The following VIPR2 variants were observed in gnomAD, a reference collection of about 807,000 sequenced individuals.
VIPR2 encodes vasoactive intestinal peptide receptor 2, also known as vasoactive intestinal polypeptide receptor 2.
A neutral mutation model predicts 58.0 loss-of-function variants in VIPR2; 48 were observed. That is an observed-to-expected ratio of 0.83 (90% CI 0.66 to 1.05). The LOEUF is 1.05. VIPR2 is among the 50% of genes least tolerant of loss of function. The pLI is 0.00. For missense variants in VIPR2, 534 were observed against 558.0 expected, an observed-to-expected ratio of 0.96 and a Z score of 0.43; for synonymous variants, 243 against 235.2, an observed-to-expected ratio of 1.03 and a Z score of -0.30.
chr7:159,091,588 G>C (rs1229280036), intron 4 of VIPR2, among the ~76,000 whole-genome samples: 1 of 152,224 alleles, frequency 6.6e-6, no homozygotes, highest in East Asian at 1.9e-4. Context: ...GGAAAGCCCC[G>C]CCCTGCACGT....
intron 2 of VIPR2, among the ~76,000 whole-genome samples, chr7:159,122,815 T>C (rs1340299030): frequency 2.0e-5 from 3 of 152,244 alleles, no homozygotes; most frequent in Non-Finnish European, 4.4e-5. Context: ...GATGGAATGA[T>C]TCACCAGTTG....
rs1401897879 is a variant in VIPR2 at position 159,127,832 on chromosome 7, C to T, written c.151+14614G>A. ...CTTTTCCCAAACTCCTGCCACGGCT[C>T]GGATGCTGCTGGGGCCGCAGGGGCT... On this transcript the variant is annotated intron_variant, in intron 2 of 12. Transcript: ENST00000262178. The surrounding 1 kb of genome is among the most constrained non-coding windows in gnomAD (Gnocchi z 4.6). Among the ~76,000 whole-genome samples the T allele has an allele frequency of 3.3e-5, 5 of 152,202 alleles. No individual in the cohort carries two copies. Among genetic ancestry groups the T allele is most frequent in the Admixed American group, 6.5e-5 (1 of 15,280 alleles).
chr7:159,063,173 G>T (rs1256959947), intron 4 of VIPR2, among the ~76,000 whole-genome samples: 1 of 152,262 alleles, frequency 6.6e-6, no homozygotes, highest in African/African-American at 2.4e-5. Flanking sequence ...GGGACCAGGT[G>T]CCGCGGAGCA....
At chr7:159,047,389 A>T (rs1854721367) in intron 5 of VIPR2, among the ~76,000 whole-genome samples, 1 of 152,246 alleles carries the variant, frequency 6.6e-6, no homozygotes, top group Admixed American at 6.5e-5. Context: ...ATTACAGAAG[A>T]ATTCCAAATT....
chr7:159,133,091 T>C lies in VIPR2; in HGVS notation c.151+9355A>G, dbSNP rs114029599. Among the ~76,000 whole-genome samples, 606 of 151,938 alleles carry C rather than the reference T, an allele frequency of 4.0e-3. 8 individuals carry two copies. Among genetic ancestry groups the C allele is most frequent in the African/African-American group, 0.014 (573 of 41,260 alleles). On this transcript the variant is annotated intron_variant, in intron 2 of 12. Coordinates refer to ENST00000262178, the MANE Select transcript of VIPR2 (RefSeq NM_003382.5). ...CACTCAAACAAAACGCTATTTTGAT[T>C]TCTTGCCTTTTCCATAAGAAGATTC...
intron 2 of VIPR2, among the ~76,000 whole-genome samples, chr7:159,117,874 G>GAA (rs148649042): frequency 0.012 from 1,818 of 152,352 alleles, 12 homozygotes; most frequent in Non-Finnish European, 0.019. Flanking sequence ...GGAAAGCTGA[G>GAA]AAGCAAAGCC....
chr7:159,082,568 T>C (rs996509442), intron 4 of VIPR2, among the ~76,000 whole-genome samples: 2 of 152,196 alleles, frequency 1.3e-5, no homozygotes, highest in African/African-American at 4.8e-5. Flanking sequence ...TGTATACATA[T>C]GTAACAAACC....
chr7:159,130,536 C>G (rs1429632284), intron 2 of VIPR2, among the ~76,000 whole-genome samples: 1 of 152,120 alleles, frequency 6.6e-6, no homozygotes, highest in Non-Finnish European at 1.5e-5. Flanking sequence ...AGAAGTGATT[C>G]AGCCCACTGA....
chr7:159,144,246 A>G, intron 1 of VIPR2: 1 of 1,322,760 alleles, frequency 7.6e-7, no homozygotes, highest in South Asian at 2.3e-5. Context: ...AACTATTTCC[A>G]AAAGGAAACT....
chr7:159,087,955 T>C (rs1169613595), intron 4 of VIPR2, among the ~76,000 whole-genome samples: 6 of 152,090 alleles, frequency 3.9e-5, no homozygotes, highest in Non-Finnish European at 8.8e-5. Context: ...AAACAAACAA[T>C]ACCCAAGTGG....
chr7:159,138,730 C>T (rs1475196474), intron 2 of VIPR2, among the ~76,000 whole-genome samples: 3 of 152,222 alleles, frequency 2.0e-5, no homozygotes, highest in African/African-American at 7.2e-5. Context: ...CACGTGTGGA[C>T]GTGTGCGCAC....
chr7:159,118,996 C>A (rs988661607), intron 2 of VIPR2, among the ~76,000 whole-genome samples: 1 of 152,242 alleles, frequency 6.6e-6, no homozygotes. Flanking sequence ...AACACCCACA[C>A]CCCAGGGGTT....
intron 4 of VIPR2, among the ~76,000 whole-genome samples, chr7:159,101,328 G>A (rs531196902): frequency 1.1e-4 from 14 of 131,890 alleles, no homozygotes; most frequent in Admixed American, 3.0e-4. Context: ...CCGACGAGGC[G>A]GTTCCCCTGA....
rs763302429 is a variant in VIPR2 at position 159,099,993 on chromosome 7, T to C, written c.357+3764A>G. On this transcript the variant is annotated intron_variant, in intron 4 of 12. Transcript: ENST00000262178. This position sits in a 1 kb window ranked among gnomAD's most constrained non-coding sequence, Gnocchi z 4.2. ...GACCTTCCTCAAGGGCTCACAGCCA[T>C]GCGTGCTGGAGCTGGGCCCCCAACA... Among the ~76,000 whole-genome samples, 1 of 152,066 alleles carries C rather than the reference T, an allele frequency of 6.6e-6. No homozygotes were observed. Among genetic ancestry groups the C allele is most frequent in the Non-Finnish European group, 1.5e-5 (1 of 67,994 alleles).
chr7:159,135,634 C>G (rs1046396056), intron 2 of VIPR2, among the ~76,000 whole-genome samples: 1 of 151,820 alleles, frequency 6.6e-6, no homozygotes, highest in Non-Finnish European at 1.5e-5. Flanking sequence ...ACCAGCCTGG[C>G]CAACATGGTG....
At chr7:159,129,818 C>G (rs1416544274) in intron 2 of VIPR2, among the ~76,000 whole-genome samples, 2 of 118,822 alleles carry the variant, frequency 1.7e-5, no homozygotes, top group Admixed American at 1.5e-4. Context: ...GCTTCACACT[C>G]TGTTCCCTCA....
intron 6 of VIPR2, 60 bp from the exon 7 acceptor site, chr7:159,036,962 G>A (rs1402901625): frequency 6.4e-7 from 1 of 1,564,736 alleles, no homozygotes; most frequent in Non-Finnish European, 8.7e-7. Context: ...GCAGCTACCA[G>A]CAGGCAGTGC....
At position 159,128,700 on chromosome 7, in the gene VIPR2, A is replaced by G. The variant is rs954813059; in HGVS notation, c.151+13746T>C. On this transcript the variant is annotated intron_variant, in intron 2 of 12. Transcript: ENST00000262178. The surrounding 1 kb of genome is among the most constrained non-coding windows in gnomAD (Gnocchi z 4.1). ...AGGAACTCGATCAATGAGTTTCCTCATTTCCAGGAATGCCCTAATTCCTTC... is the reference window on the plus strand; with the variant it reads ...AGGAACTCGATCAATGAGTTTCCTCGTTTCCAGGAATGCCCTAATTCCTTC... 1.3e-5 allele frequency among the ~76,000 whole-genome samples: 2 copies of G among 152,182 alleles called. No individual in the cohort carries two copies. Among genetic ancestry groups the G allele is most frequent in the African/African-American group, 2.4e-5 (1 of 41,452 alleles).
At chr7:159,102,159 G>A (rs1191760672) in intron 4 of VIPR2, among the ~76,000 whole-genome samples, 2 of 150,152 alleles carry the variant, frequency 1.3e-5, no homozygotes, top group Non-Finnish European at 3.0e-5. Flanking sequence ...TAGTGAACGG[G>A]TCTCACGAGA....
Sources: allele counts gnomAD v4.1 joint callset (sites outside exome capture counted in the v4.1 genomes callset), GRCh38; gene constraint gnomAD v4.1.1; non-coding constraint Gnocchi (gnomAD v3.1); transcripts MANE v1.5; gene names NCBI Gene and HGNC (gene_info 2026-07-23, HGNC 2026-07-21).